Variants in HOMER2 observed in about 807,000 individuals in gnomAD.
The protein encoded by HOMER2 is homer protein homolog 2.
HOMER2 carries 27 observed loss-of-function variants against 47.0 expected under a neutral mutation model. That is an observed-to-expected ratio of 0.57 (90% confidence interval 0.42 to 0.79). The LOEUF (loss-of-function observed/expected upper bound fraction) is 0.79, where lower values mean the gene tolerates loss of function less well. Ranked by LOEUF, HOMER2 falls within the 30% of genes least tolerant of loss-of-function variation. The probability of loss-of-function intolerance (pLI) is 0.00; values close to 1 mark genes in which losing one functional copy is unlikely to be tolerated. For missense variants in HOMER2, 443 were observed against 435.0 expected, an observed-to-expected ratio of 1.02 and a Z score of -0.16; for synonymous variants, 161 against 163.8, an observed-to-expected ratio of 0.98 and a Z score of 0.13.
chr15:82,924,784 C>T (rs1182588558), intron 1 of HOMER2, among the ~76,000 whole-genome samples: 1 of 152,080 alleles, frequency 6.6e-6, no homozygotes, highest in Non-Finnish European at 1.5e-5. Context: ...CTTGAGAAAT[C>T]GGCATCTATA....
intron 3 of HOMER2, among the ~76,000 whole-genome samples, chr15:82,871,013 T>C (rs2052158256): frequency 6.6e-6 from 1 of 152,250 alleles, no homozygotes; most frequent in African/African-American, 2.4e-5. Context: ...TGTTCCTCCT[T>C]CTGTCTCCTT....
At chr15:82,900,159 A>G (rs996122128) in intron 1 of HOMER2, among the ~76,000 whole-genome samples, 3 of 151,900 alleles carry the variant, frequency 2.0e-5, no homozygotes, top group African/African-American at 4.8e-5. Context: ...GCCAGGTACA[A>G]TTGTGTGCCC....
intron 1 of HOMER2, among the ~76,000 whole-genome samples, chr15:82,912,276 C>T (rs2053474403): frequency 6.6e-6 from 1 of 152,180 alleles, no homozygotes; most frequent in Non-Finnish European, 1.5e-5. Flanking sequence ...CAACCACTAA[C>T]TTACTTTCTG....
intron 1 of HOMER2, among the ~76,000 whole-genome samples, chr15:82,973,203 G>A (rs2030070185): frequency 6.6e-6 from 1 of 152,162 alleles, no homozygotes; most frequent in African/African-American, 2.4e-5. Context: ...TCTCACCACA[G>A]AGCAATCTTG....
chr15:82,842,117 A>T (rs1307084990), exon 2 of HOMER2: 4 of 152,160 alleles, frequency 2.6e-5, no homozygotes, highest in Non-Finnish European at 4.4e-5. Flanking sequence ...TCTCATTTAC[A>T]ATAGTAACCA....
chr15:82,921,065 T>C (rs540776002), intron 1 of HOMER2, among the ~76,000 whole-genome samples: 12 of 152,132 alleles, frequency 7.9e-5, no homozygotes, highest in African/African-American at 2.6e-4. Flanking sequence ...GAGGCCAAGG[T>C]GGGCAGATCA....
chr15:82,910,472 G>C (rs1379333039), intron 1 of HOMER2, among the ~76,000 whole-genome samples: 1 of 152,180 alleles, frequency 6.6e-6, no homozygotes, highest in Non-Finnish European at 1.5e-5. Context: ...GACCATACTA[G>C]CCACGTAGGT....
rs576829542 is a variant in HOMER2, at chr15:82,925,525, T to C, written c.5+27006A>G. Among the ~76,000 whole-genome samples the C allele has an allele frequency of 3.9e-5, 6 of 152,344 alleles. No individual in the cohort carries two copies. In the South Asian group the frequency reaches 1.0e-3, roughly 26 times the overall value. ...TAGATGGGCTGGAGTTAGTTTGCACTACCTTGGGAAATCCTCTTTCTCTCA... is the reference window on the plus strand; with the variant it reads ...TAGATGGGCTGGAGTTAGTTTGCACCACCTTGGGAAATCCTCTTTCTCTCA... On this transcript the variant is annotated intron_variant, in intron 1 of 8. Transcript: ENST00000450735.
rs1256453 is a variant in HOMER2 at position 82,875,096 on chromosome 15, C to A, written c.294+177G>T. The stretch of plus-strand genomic sequence containing the variant: ...GAATTTCCCTTCCCCAGATGACTTC[C>A]GTGAACCTGGTATTTCAAAAGGGCC... On this transcript the variant is annotated intron_variant, in intron 3 of 8. Coordinates refer to ENST00000450735, the MANE Select transcript of HOMER2 (RefSeq NM_004839.4). Among the ~76,000 whole-genome samples, 94,701 of 152,088 alleles carry A rather than the reference C, an allele frequency of 0.62. 30,203 individuals carry two copies. The highest frequency in any genetic ancestry group is 0.83 in the East Asian group (4,304 of 5,176).
At chr15:82,979,998 G>A (rs2030336735) in intron 1 of HOMER2, among the ~76,000 whole-genome samples, 1 of 152,178 alleles carries the variant, frequency 6.6e-6, no homozygotes, top group Admixed American at 6.5e-5. Flanking sequence ...CACAAGGAGA[G>A]TATAGGCAAG....
intron 1 of HOMER2, among the ~76,000 whole-genome samples, chr15:82,951,599 G>A (rs1249425246): frequency 1.3e-5 from 2 of 152,242 alleles, no homozygotes; most frequent in African/African-American, 4.8e-5. Context: ...GCTGGGTTCA[G>A]CAGCAGGGAA....
At chr15:82,904,088 G>A (rs949458875) in intron 1 of HOMER2, among the ~76,000 whole-genome samples, 1 of 152,220 alleles carries the variant, frequency 6.6e-6, no homozygotes, top group Non-Finnish European at 1.5e-5. Flanking sequence ...AGTGAGCCAA[G>A]ATCACACCAC....
intron 1 of HOMER2, among the ~76,000 whole-genome samples, chr15:82,963,785 A>G (rs1219983643): frequency 6.6e-6 from 1 of 152,142 alleles, no homozygotes; most frequent in Non-Finnish European, 1.5e-5. Flanking sequence ...AGCTCCTCAG[A>G]CCACTGGCTG....
intron 1 of HOMER2, among the ~76,000 whole-genome samples, chr15:82,945,046 C>T (rs1290197031): frequency 2.6e-5 from 4 of 152,072 alleles, no homozygotes; most frequent in African/African-American, 4.8e-5. Context: ...TTAGCAACAA[C>T]GATGAATCCT....
chr15:82,890,776 A>G (rs944399487), intron 2 of HOMER2, among the ~76,000 whole-genome samples: 14 of 152,220 alleles, frequency 9.2e-5, no homozygotes, highest in African/African-American at 2.9e-4. Context: ...AACCCATCGA[A>G]GGATGGCAGA....
downstream of HOMER2, chr15:82,844,926 C>T (rs916715241): frequency 3.9e-5 from 6 of 152,168 alleles, no homozygotes; most frequent in African/African-American, 1.4e-4. Context: ...CCATCACTCG[C>T]CAAAACATGC....
At chr15:82,932,520 G>T (rs1567062122) in intron 1 of HOMER2, among the ~76,000 whole-genome samples, 2 of 149,644 alleles carry the variant, frequency 1.3e-5, no homozygotes, top group African/African-American at 4.9e-5. Flanking sequence ...AAAGAAAAAA[G>T]AAAAAAAAAG....
intron 1 of HOMER2, among the ~76,000 whole-genome samples, chr15:82,944,408 AG>A (rs2054328045): frequency 6.6e-6 from 1 of 152,248 alleles, no homozygotes; most frequent in Non-Finnish European, 1.5e-5. Flanking sequence ...AATGCAAATT[AG>A]AAGCTTTATG....
chr15:82,926,806 A>T (rs1044384739), intron 1 of HOMER2, among the ~76,000 whole-genome samples: 2 of 152,188 alleles, frequency 1.3e-5, no homozygotes, highest in Admixed American at 1.3e-4. Flanking sequence ...GCCATTATAC[A>T]AGGGTGAGTT....
Sources: gnomAD v4.1 joint callset for allele counts (sites outside exome capture counted in the v4.1 genomes callset) on GRCh38, gnomAD v4.1.1 for gene constraint, MANE v1.5 for transcripts, NCBI Gene and HGNC (gene_info 2026-07-23, HGNC 2026-07-21) for gene names.